Variants in SRBD1 observed in about 807,000 individuals in gnomAD.
SRBD1 encodes the protein S1 RNA-binding domain-containing protein 1.
SRBD1 carries 88 observed loss-of-function variants against 115.3 expected under a neutral mutation model. The ratio of observed to expected loss-of-function variants is 0.76; its 90% CI spans 0.64 to 0.91. The LOEUF (loss-of-function observed/expected upper bound fraction) is 0.91, where lower values mean the gene tolerates loss of function less well. SRBD1 is among the 40% of genes least tolerant of loss of function. The probability of loss-of-function intolerance (pLI) is 0.00; values close to 1 mark genes in which losing one functional copy is unlikely to be tolerated. For synonymous variants in SRBD1, 509 were observed against 407.7 expected, an observed-to-expected ratio of 1.25 and a Z score of -2.99; for missense variants, 1,385 against 1,177.4, an observed-to-expected ratio of 1.18 and a Z score of -2.58.
chr2:45,432,065 T>C (rs1409641672), intron 16 of SRBD1, among the ~76,000 whole-genome samples: 1 of 149,022 alleles, frequency 6.7e-6, no homozygotes, highest in Non-Finnish European at 1.5e-5. Flanking sequence ...TGTCTCACCC[T>C]GTCGCCCAGG....
At chr2:45,562,123 G>A (rs1047126195) in intron 10 of SRBD1, among the ~76,000 whole-genome samples, 2 of 151,754 alleles carry the variant, frequency 1.3e-5, no homozygotes, top group Non-Finnish European at 2.9e-5. Flanking sequence ...ACACCCTCCT[G>A]GATATTCTCT....
intron 19 of SRBD1, among the ~76,000 whole-genome samples, chr2:45,405,077 T>G (rs1189570130): frequency 6.6e-6 from 1 of 152,120 alleles, no homozygotes; most frequent in African/African-American, 2.4e-5. Flanking sequence ...GCAATCCCTA[T>G]TCCATTACTC....
intron 16 of SRBD1, chr2:45,447,943 A>AT (rs1174000710): frequency 6.6e-6 from 1 of 152,218 alleles, no homozygotes; most frequent in Admixed American, 6.5e-5. Flanking sequence ...CATTTAAAAT[A>AT]ACATGGCTTA....
chr2:45,590,105 C>T (rs1206588775), intron 4 of SRBD1, among the ~76,000 whole-genome samples: 4 of 152,226 alleles, frequency 2.6e-5, no homozygotes, highest in African/African-American at 9.6e-5. Context: ...AACCAATGCA[C>T]ATGTTTTAAA....
chr2:45,489,331 G>C (rs978881689), intron 14 of SRBD1, among the ~76,000 whole-genome samples: 1 of 152,142 alleles, frequency 6.6e-6, no homozygotes, highest in Non-Finnish European at 1.5e-5. Context: ...TCAATTGCAT[G>C]AGGCAAATTT....
At chr2:45,507,728 A>C (rs1670839487) in intron 14 of SRBD1, among the ~76,000 whole-genome samples, 1 of 152,042 alleles carries the variant, frequency 6.6e-6, no homozygotes, top group African/African-American at 2.4e-5. Flanking sequence ...CTCAAAAAAA[A>C]CAAAAAACAA....
intron 14 of SRBD1, among the ~76,000 whole-genome samples, chr2:45,520,696 C>G (rs931577858): frequency 6.6e-6 from 1 of 152,118 alleles, no homozygotes; most frequent in Non-Finnish European, 1.5e-5. Flanking sequence ...AGAGAAGGAG[C>G]ATCTGAACAC....
intron 10 of SRBD1, among the ~76,000 whole-genome samples, chr2:45,556,478 G>C (rs1175947523): frequency 8.5e-5 from 2 of 23,392 alleles, no homozygotes; most frequent in African/African-American, 1.7e-4. Flanking sequence ...TTTTTTTTGA[G>C]ACAGAGTCTC....
chr2:45,438,997 T>G (rs1448241810), intron 16 of SRBD1, among the ~76,000 whole-genome samples: 2 of 152,132 alleles, frequency 1.3e-5, no homozygotes, highest in Non-Finnish European at 2.9e-5. Context: ...AGAATGTACA[T>G]GTTATATATG....
At chr2:45,591,859 C>A (rs1673735942) in intron 4 of SRBD1, among the ~76,000 whole-genome samples, 1 of 152,188 alleles carries the variant, frequency 6.6e-6, no homozygotes, top group Non-Finnish European at 1.5e-5. Context: ...CAGGGAGAAG[C>A]AACTTCCCGG....
At chr2:45,496,914 GA>G (rs1225096743) in intron 14 of SRBD1, among the ~76,000 whole-genome samples, 1 of 151,880 alleles carries the variant, frequency 6.6e-6, no homozygotes, top group Admixed American at 6.6e-5. Context: ...AGCTAATGCT[GA>G]AAAAAAATCC....
At chr2:45,546,959 A>G (rs1672140400) in intron 13 of SRBD1, 120 bp from the exon 14 acceptor site, 2 of 904,740 alleles carry the variant, frequency 2.2e-6, no homozygotes, top group Non-Finnish European at 1.7e-6. Context: ...CATATATACA[A>G]GCAACCTGTC....
chr2:45,414,068 A>G (rs961872935), intron 18 of SRBD1, among the ~76,000 whole-genome samples: 1 of 152,208 alleles, frequency 6.6e-6, no homozygotes, highest in African/African-American at 2.4e-5. Context: ...AAGGATCTGG[A>G]ATCAGACTAG....
chr2:45,555,946 C>T (rs1272149472), intron 10 of SRBD1, among the ~76,000 whole-genome samples: 1 of 152,152 alleles, frequency 6.6e-6, no homozygotes. Flanking sequence ...TGAATGAAAA[C>T]CATTAACAAA....
intron 19 of SRBD1, among the ~76,000 whole-genome samples, chr2:45,407,309 T>A (rs992359868): frequency 7.9e-5 from 12 of 152,194 alleles, no homozygotes; most frequent in Admixed American, 5.9e-4. Flanking sequence ...CTGTCTCCAA[T>A]TTTCTAAATG....
intron 16 of SRBD1, among the ~76,000 whole-genome samples, chr2:45,475,032 AT>A (rs985631704): frequency 6.6e-6 from 1 of 152,096 alleles, no homozygotes; most frequent in Non-Finnish European, 1.5e-5. Flanking sequence ...TAATATGGCT[AT>A]TTTTTTAAAT....
chr2:45,423,221 C>G (rs893442919), intron 16 of SRBD1, among the ~76,000 whole-genome samples: 1 of 152,090 alleles, frequency 6.6e-6, no homozygotes, highest in Non-Finnish European at 1.5e-5. Flanking sequence ...ACCCCTACCA[C>G]AGGGCTAAAA....
chr2:45,546,620 C>A (rs879830133), intron 14 of SRBD1, 112 bp downstream of exon 14: 55 of 1,055,372 alleles, frequency 5.2e-5, no homozygotes, highest in Non-Finnish European at 7.0e-5. Flanking sequence ...AAGAGGTGGT[C>A]TGGAGGGCAA....
chr2:45,393,274 G>A, intron 19 of SRBD1, 145 bp from the exon 20 acceptor site: 1 of 790,392 alleles, frequency 1.3e-6, no homozygotes, highest in Non-Finnish European at 1.8e-6. Flanking sequence ...TGTGTCCTGT[G>A]CTGTAAACTG....
Sources: allele counts gnomAD v4.1 joint callset (sites outside exome capture counted in the v4.1 genomes callset), GRCh38; gene constraint gnomAD v4.1.1; transcripts MANE v1.5; gene names NCBI Gene and HGNC (gene_info 2026-07-23, HGNC 2026-07-21).